P2RY12: variants seen among roughly 807,000 people sequenced by gnomAD.
The protein encoded by P2RY12 is P2Y purinoceptor 12.
P2RY12 carries 3 observed loss-of-function variants against 4.5 expected under a neutral mutation model. The observed-to-expected ratio is 0.67, with a 90% CI of 0.31 to 1.74. The LOEUF is 1.74. Among genes scored for constraint, P2RY12 ranks in the 40% most tolerant of loss-of-function variants. P2RY12 has a pLI of 0.09. For missense variants in P2RY12, 356 were observed against 407.8 expected, an observed-to-expected ratio of 0.87 and a Z score of 1.09; for synonymous variants, 148 against 154.1, an observed-to-expected ratio of 0.96 and a Z score of 0.29.
At chr3:151,347,055 G>A (rs990711544) in intron 1 of P2RY12, among the ~76,000 whole-genome samples, 1 of 151,866 alleles carries the variant, frequency 6.6e-6, no homozygotes. Context: ...TTACTCCTTG[G>A]GTTCAAAAGC....
chr3:151,347,419 A>G (rs1752670953), intron 1 of P2RY12, among the ~76,000 whole-genome samples: 1 of 152,238 alleles, frequency 6.6e-6, no homozygotes, highest in African/African-American at 2.4e-5. Flanking sequence ...CTAATGAGGA[A>G]GACAGACATT....
At chr3:151,378,049 C>A in intron 1 of P2RY12, 1 of 1,610,546 alleles carries the variant, frequency 6.2e-7, no homozygotes, top group Non-Finnish European at 8.5e-7. Context: ...GGTGGCCCCC[C>A]TCATCGCCAG....
Position 151,338,838 on chromosome 3 carries a change from G to C in P2RY12, c.8C>G (p.Ala3Gly). Residue 3 changes from alanine to glycine, a missense_variant, in exon 3 of 3, where the codon GCC becomes GGC. Transcript: ENST00000302632. MQ[A>G]VDNLTSAPGN... The stretch of plus-strand genomic sequence containing the variant: ...AGGCGCAGAGGTGAGGTTGTCGACG[G>C]CTTGCATTTCTTGTTGGTTACCTAG... 1 of 1,613,422 alleles carries C rather than the reference G, an allele frequency of 6.2e-7. No homozygotes were observed. The highest frequency in any genetic ancestry group is 8.5e-7 in the Non-Finnish European group (1 of 1,179,584).
intron 1 of P2RY12, chr3:151,376,250 T>C: frequency 7.5e-7 from 1 of 1,341,270 alleles, no homozygotes; most frequent in South Asian, 2.3e-5. Context: ...TGTCATTTGA[T>C]AAATTCTTCG....
At chr3:151,366,226 T>G (rs545146856) in intron 1 of P2RY12, among the ~76,000 whole-genome samples, 2 of 152,328 alleles carry the variant, frequency 1.3e-5, no homozygotes, top group African/African-American at 4.8e-5. Context: ...GGCCAAGAAT[T>G]TCTTTGTTTC....
chr3:151,350,052 T>A (rs930888307), intron 1 of P2RY12: 1 of 1,606,814 alleles, frequency 6.2e-7, no homozygotes, highest in South Asian at 1.1e-5. Flanking sequence ...CATTTTCTGT[T>A]TTTCAGGATG....
intron 1 of P2RY12, chr3:151,382,619 A>G: frequency 6.7e-7 from 1 of 1,499,784 alleles, no homozygotes; most frequent in Non-Finnish European, 9.1e-7. Context: ...TGAGAGAAAA[A>G]TTAAACTTTA....
At chr3:151,366,342 C>T (rs1486105553) in intron 1 of P2RY12, among the ~76,000 whole-genome samples, 3 of 152,130 alleles carry the variant, frequency 2.0e-5, no homozygotes, top group African/African-American at 7.2e-5. Flanking sequence ...GGGACATAAT[C>T]TAACTAAAGC....
intron 1 of P2RY12, among the ~76,000 whole-genome samples, chr3:151,357,651 C>A (rs1047963595): frequency 3.3e-5 from 5 of 152,126 alleles, no homozygotes; most frequent in African/African-American, 9.7e-5. Flanking sequence ...TAGCACTCTA[C>A]GGTTAATGTT....
intron 1 of P2RY12, chr3:151,355,998 C>T (rs1249516888): frequency 1.2e-6 from 2 of 1,613,986 alleles, no homozygotes; most frequent in Admixed American, 1.7e-5. Flanking sequence ...TCTCATGGAG[C>T]CAGCACTGAA....
chr3:151,367,149 G>A (rs2107937369), intron 1 of P2RY12, among the ~76,000 whole-genome samples: 1 of 151,982 alleles, frequency 6.6e-6, no homozygotes, highest in South Asian at 2.1e-4. Flanking sequence ...AGAGTCAATT[G>A]GAAACTTTCA....
intron 1 of P2RY12, among the ~76,000 whole-genome samples, chr3:151,374,656 T>A (rs1756605292): frequency 6.6e-6 from 1 of 152,190 alleles, no homozygotes; most frequent in South Asian, 2.1e-4. Context: ...TCTCTAAGGG[T>A]TTAAAATACT....
rs375447099 is a variant in P2RY12 at position 151,376,281 on chromosome 3, T to C, written c.-180+8411A>G. On this transcript the variant is annotated intron_variant, in intron 1 of 2. Coordinates refer to ENST00000302632, the MANE Select transcript of P2RY12 (RefSeq NM_022788.5). The stretch of plus-strand genomic sequence containing the variant: ...CTTCGTAATAATAAAAAGAGTTACT[T>C]CCTCTCTTTTTTTGTCCTTGCTAAT... 20 of 1,207,624 alleles carry C rather than the reference T, an allele frequency of 1.7e-5. 1 individual carries two copies. The South Asian group carries it at 4.7e-4, about 28-fold the overall frequency. The allele number at this position is 1,207,624 out of a possible 1,614,324, so 74.8% of individuals were successfully genotyped here.
Position 151,378,131 on chromosome 3 carries a change from G to A in P2RY12, c.-180+6561C>T. The A allele has an allele frequency of 1.9e-6, 3 of 1,611,166 alleles. No individual in the cohort carries two copies. The highest frequency in any genetic ancestry group is 2.2e-5 in the South Asian group (2 of 90,732). On this transcript the variant is annotated intron_variant, in intron 1 of 2. Coordinates refer to ENST00000302632, the MANE Select transcript of P2RY12 (RefSeq NM_022788.5). Reference sequence around the variant, plus strand: ...GAGCTGGAGAAGGGACAGCACTTGGGTTCTTCTTCCAAAAAGGAAAGGGAC... The same window carrying A: ...GAGCTGGAGAAGGGACAGCACTTGGATTCTTCTTCCAAAAAGGAAAGGGAC...
At chr3:151,378,261 C>CA in intron 1 of P2RY12, 4 of 1,247,120 alleles carry the variant, frequency 3.2e-6, no homozygotes, top group Non-Finnish European at 4.3e-6. Context: ...GTCACTGTAC[C>CA]CACAGTCCAC....
At chr3:151,366,254 T>G (rs1755254078) in intron 1 of P2RY12, among the ~76,000 whole-genome samples, 1 of 152,228 alleles carries the variant, frequency 6.6e-6, no homozygotes, top group Admixed American at 6.5e-5. Context: ...TTCCATTTAG[T>G]TGAGATTTCT....
At chr3:151,338,943 C>T in intron 2 of P2RY12, 84 bp from the exon 3 acceptor site, 2 of 1,198,910 alleles carry the variant, frequency 1.7e-6, no homozygotes, top group Admixed American at 3.8e-5. Context: ...TTTTTGGACA[C>T]AGCCTCCTCT....
intron 1 of P2RY12, chr3:151,368,052 TTAAA>T: frequency 6.8e-6 from 7 of 1,023,180 alleles, no homozygotes; most frequent in Middle Eastern, 2.2e-4. Flanking sequence ...GAAAATTTAT[TTAAA>T]TAATTATTCC....
chr3:151,369,610 T>G (rs1339551818), intron 1 of P2RY12: 1 of 1,101,070 alleles, frequency 9.1e-7, no homozygotes, highest in Non-Finnish European at 1.3e-6. Flanking sequence ...CAAAATAATT[T>G]ATTTTCAGGT....
Sources: allele counts gnomAD v4.1 joint callset (sites outside exome capture counted in the v4.1 genomes callset), GRCh38; gene constraint gnomAD v4.1.1; transcripts MANE v1.5; gene names NCBI Gene and HGNC (gene_info 2026-07-23, HGNC 2026-07-21).